The following RIMS2 variants were observed in gnomAD, a reference collection of about 807,000 sequenced individuals.
RIMS2 encodes the protein regulating synaptic membrane exocytosis protein 2.
RIMS2 carries 59 observed loss-of-function variants against 174.4 expected under a neutral mutation model. The ratio of observed to expected loss-of-function variants is 0.34; its 90% CI spans 0.27 to 0.42. The LOEUF (loss-of-function observed/expected upper bound fraction) is 0.42. Ranked by LOEUF, RIMS2 falls within the 10% of genes least tolerant of loss-of-function variation. The pLI is 1.00. For synonymous variants in RIMS2, 606 were observed against 572.5 expected (o/e 1.06, Z -0.84); for missense variants, 1,620 against 1,666.3 (o/e 0.97, Z 0.48).
At position 104,113,170 on chromosome 8, in the gene RIMS2, G is replaced by A. The variant is rs16870952; in HGVS notation, c.3334+98555G>A. On this transcript the variant is annotated intron_variant, in intron 19 of 23. Transcript: ENST00000504942. ...TGAACTAAACTAGGACTCTTCCTAT[G>A]TCAGTGGTTGTCAAATCAGGCTCAT... 1.0e-3 allele frequency among the ~76,000 whole-genome samples: 157 copies of A among 152,226 alleles called. 1 individual carries two copies. In the East Asian group the frequency reaches 0.021, roughly 20 times the overall value.
intron 1 of RIMS2, among the ~76,000 whole-genome samples, chr8:103,671,760 C>T (rs1387347618): frequency 1.3e-5 from 2 of 152,280 alleles, no homozygotes; most frequent in African/African-American, 4.8e-5. Context: ...ATAGTTATGA[C>T]TGATTTCCTA....
chr8:103,596,568 A>G (rs1365599070), intron 1 of RIMS2, among the ~76,000 whole-genome samples: 1 of 152,058 alleles, frequency 6.6e-6, no homozygotes, highest in Non-Finnish European at 1.5e-5. Flanking sequence ...ATTTGAAACT[A>G]TATGTTATTG....
chr8:104,027,497 T>G (rs1173864135), intron 19 of RIMS2, among the ~76,000 whole-genome samples: 1 of 152,208 alleles, frequency 6.6e-6, no homozygotes, highest in Non-Finnish European at 1.5e-5. Context: ...GGCCATATCA[T>G]TGTTGACTTC....
At chr8:103,976,305 CTTGTT>C (rs1316871984) in intron 16 of RIMS2, 1 of 152,074 alleles carries the variant, frequency 6.6e-6, no homozygotes, top group Non-Finnish European at 1.5e-5. Flanking sequence ...TGAAACATGA[CTTGTT>C]TTGTAATTTT....
At chr8:103,611,088 T>C (rs1453369493) in intron 1 of RIMS2, among the ~76,000 whole-genome samples, 1 of 152,186 alleles carries the variant, frequency 6.6e-6, no homozygotes, top group Non-Finnish European at 1.5e-5. Context: ...TCATTTCTTC[T>C]AGATTTTCTA....
intron 2 of RIMS2, among the ~76,000 whole-genome samples, chr8:103,698,688 C>G (rs1370549698): frequency 1.3e-5 from 2 of 152,010 alleles, no homozygotes; most frequent in Non-Finnish European, 2.9e-5. Context: ...CTAGGCTGGA[C>G]TTGAACTCCT....
At chr8:103,844,536 A>G (rs892303335) in intron 3 of RIMS2, among the ~76,000 whole-genome samples, 1 of 152,110 alleles carries the variant, frequency 6.6e-6, no homozygotes, top group African/African-American at 2.4e-5. Flanking sequence ...CCTCTCTTTT[A>G]AAAAATATTT....
At chr8:103,558,077 A>T (rs972609250) in intron 1 of RIMS2, among the ~76,000 whole-genome samples, 25 of 152,288 alleles carry the variant, frequency 1.6e-4, no homozygotes, top group African/African-American at 6.0e-4. Context: ...TATTTTTTTA[A>T]CAAGTCAGCA....
In RIMS2 at chr8:103,653,670, A is replaced by C. The variant is rs542890427; in HGVS notation, c.177-43416A>C. Reference sequence around the variant, plus strand: ...GCAGAGTAAAAGATAAACATCTTTTATGTCTTGTTGCTATTGATGAGGATA... The same window carrying C: ...GCAGAGTAAAAGATAAACATCTTTTCTGTCTTGTTGCTATTGATGAGGATA... On this transcript the variant is annotated intron_variant, in intron 1 of 23. Coordinates refer to ENST00000504942, the Ensembl canonical transcript of RIMS2. Among the ~76,000 whole-genome samples the C allele has an allele frequency of 2.0e-5, 3 of 150,520 alleles. No homozygotes were observed. In the South Asian group the frequency reaches 6.2e-4, roughly 31 times the overall value.
chr8:103,788,638 C>G (rs1217413473), intron 3 of RIMS2, among the ~76,000 whole-genome samples: 1 of 151,988 alleles, frequency 6.6e-6, no homozygotes, highest in Non-Finnish European at 1.5e-5. Context: ...TCTCAGATCT[C>G]CAGCTGCGTG....
chr8:103,739,411 G>A (rs890417383), intron 2 of RIMS2, among the ~76,000 whole-genome samples: 5 of 152,178 alleles, frequency 3.3e-5, no homozygotes, highest in Non-Finnish European at 7.3e-5. Flanking sequence ...GATAGCATTA[G>A]GAGATATACC....
chr8:103,874,532 G>GT, intron 3 of RIMS2, among the ~76,000 whole-genome samples: 1 of 152,016 alleles, frequency 6.6e-6, no homozygotes, highest in Non-Finnish European at 1.5e-5. Flanking sequence ...CTTTTAGCTT[G>GT]TAATCTAACA....
At chr8:103,746,648 C>T (rs114656817) in intron 2 of RIMS2, among the ~76,000 whole-genome samples, 18,903 of 151,922 alleles carry the variant, frequency 0.12, 1,294 homozygotes, top group Middle Eastern at 0.22. Flanking sequence ...TTGTTCTCTT[C>T]TATGTGTTCA....
chr8:103,635,738 C>T (rs183778877), intron 1 of RIMS2, among the ~76,000 whole-genome samples: 229 of 151,996 alleles, frequency 1.5e-3, no homozygotes, highest in African/African-American at 4.8e-3. Flanking sequence ...CACATTTTGG[C>T]GGAGCAGCTG....
exon 1 of RIMS2, chr8:103,500,876 C>G: frequency 6.3e-7 from 1 of 1,579,678 alleles, no homozygotes; most frequent in Middle Eastern, 2.3e-4. Context: ...GGTGGTTCGG[C>G]TCCACCAAAC....
chr8:103,526,098 G>A (rs1226511489), intron 1 of RIMS2, among the ~76,000 whole-genome samples: 1 of 152,166 alleles, frequency 6.6e-6, no homozygotes, highest in Non-Finnish European at 1.5e-5. Flanking sequence ...ACACTCATGG[G>A]GTGGGGCTAA....
chr8:104,223,840 A>C (rs1217022393), intron 19 of RIMS2: 3 of 1,523,304 alleles, frequency 2.0e-6, no homozygotes, highest in Non-Finnish European at 2.7e-6. Context: ...CTGTTTAGAA[A>C]GTCGGTGGCT....
At chr8:103,804,480 C>CAT (rs974083571) in intron 3 of RIMS2, among the ~76,000 whole-genome samples, 2 of 147,474 alleles carry the variant, frequency 1.4e-5, no homozygotes, top group East Asian at 3.9e-4. Context: ...GGTAACATAA[C>CAT]ATATATGGAA....
intron 3 of RIMS2, among the ~76,000 whole-genome samples, chr8:103,820,542 T>A (rs945697382): frequency 2.0e-5 from 3 of 151,912 alleles, no homozygotes; most frequent in Admixed American, 1.3e-4. Context: ...ATGTGAGGCA[T>A]CCTATTTTGG....
Sources: gnomAD v4.1 joint callset for allele counts (sites outside exome capture counted in the v4.1 genomes callset) on GRCh38, gnomAD v4.1.1 for gene constraint, MANE v1.5 for transcripts, NCBI Gene and HGNC (gene_info 2026-07-23, HGNC 2026-07-21) for gene names.